Variants in PRKD1 observed in about 807,000 individuals in gnomAD.
The protein encoded by PRKD1 is protein kinase D1.
PRKD1 carries 63 observed loss-of-function variants against 95.9 expected under a neutral mutation model. The ratio of observed to expected loss-of-function variants is 0.66; its 90% confidence interval spans 0.54 to 0.81. PRKD1 has a LOEUF of 0.81. PRKD1 is among the 30% of genes least tolerant of loss of function. The probability of loss-of-function intolerance (pLI) is 0.00; values close to 1 mark genes in which losing one functional copy is unlikely to be tolerated. For synonymous variants in PRKD1, 425 were observed against 423.1 expected, an observed-to-expected ratio of 1.00 and a Z score of -0.05; for missense variants, 1,048 against 1,165.3, an observed-to-expected ratio of 0.90 and a Z score of 1.47.
At chr14:29,869,150 AAAG>A (rs1385589370) in intron 1 of PRKD1, among the ~76,000 whole-genome samples, 3 of 152,328 alleles carry the variant, frequency 2.0e-5, no homozygotes, top group South Asian at 2.1e-4. Context: ...TTACTTTAAA[AAAG>A]AAGAAGAGGC....
chr14:29,659,771 G>C (rs1282888209), intron 4 of PRKD1, among the ~76,000 whole-genome samples: 1 of 152,082 alleles, frequency 6.6e-6, no homozygotes, highest in African/African-American at 2.4e-5. Flanking sequence ...TGCTGGTTAA[G>C]TATATAGCTA....
At chr14:29,827,551 A>G (rs113114765) in intron 1 of PRKD1, among the ~76,000 whole-genome samples, 6 of 152,266 alleles carry the variant, frequency 3.9e-5, no homozygotes, top group South Asian at 2.1e-4. Flanking sequence ...AAGGAATAAC[A>G]AAGTGATATG....
intron 1 of PRKD1, among the ~76,000 whole-genome samples, chr14:29,821,515 C>T (rs1181165069): frequency 6.6e-6 from 1 of 152,150 alleles, no homozygotes; most frequent in East Asian, 1.9e-4. Context: ...TGAATAGAGA[C>T]AGAGTTCAAG....
At chr14:29,801,316 CA>C (rs978790180) in intron 1 of PRKD1, among the ~76,000 whole-genome samples, 15 of 152,162 alleles carry the variant, frequency 9.9e-5, no homozygotes, top group African/African-American at 2.9e-4. Context: ...ACCATACCTA[CA>C]AAAAACCTTC....
At chr14:29,619,086 T>A (rs118161634) in intron 13 of PRKD1, among the ~76,000 whole-genome samples, 2 of 152,160 alleles carry the variant, frequency 1.3e-5, no homozygotes, top group Non-Finnish European at 2.9e-5. Context: ...ATTGCTTTTA[T>A]ATGCAGAGGA....
intron 1 of PRKD1, among the ~76,000 whole-genome samples, chr14:29,897,584 T>G (rs1386743893): frequency 7.2e-5 from 11 of 152,134 alleles, no homozygotes; most frequent in Admixed American, 7.2e-4. Flanking sequence ...TTTCCTAATC[T>G]GTAGAATGAG....
intron 1 of PRKD1, among the ~76,000 whole-genome samples, chr14:29,778,189 T>C (rs1240185100): frequency 6.6e-6 from 1 of 151,942 alleles, no homozygotes; most frequent in African/African-American, 2.4e-5. Context: ...AAGCAGGAAA[T>C]ATCTAAAATT....
chr14:29,822,511 G>A (rs1013553948), intron 1 of PRKD1, among the ~76,000 whole-genome samples: 1 of 152,182 alleles, frequency 6.6e-6, no homozygotes, highest in Non-Finnish European at 1.5e-5. Flanking sequence ...AATCTGGACA[G>A]TCAAAAAGAT....
intron 1 of PRKD1, among the ~76,000 whole-genome samples, chr14:29,729,412 G>A (rs1204210872): frequency 1.3e-5 from 2 of 151,958 alleles, no homozygotes; most frequent in East Asian, 1.9e-4. Context: ...TTTATTTTCA[G>A]AAAGGTATCC....
At chr14:29,801,599 A>T (rs28403921) in intron 1 of PRKD1, among the ~76,000 whole-genome samples, 2,452 of 152,264 alleles carry the variant, frequency 0.016, 66 homozygotes, top group African/African-American at 0.052. Flanking sequence ...ACAAGTGGGG[A>T]GTATTAACAC....
chr14:29,587,696 T>C (rs1303035593), intron 16 of PRKD1, among the ~76,000 whole-genome samples: 2 of 152,222 alleles, frequency 1.3e-5, no homozygotes, highest in African/African-American at 4.8e-5. Flanking sequence ...ACTACCTTAT[T>C]TGGATTTTGA....
Position 29,772,062 on chromosome 14 carries a change from T to C in PRKD1, c.265-46388A>G, listed in dbSNP as rs1317949267. Among the ~76,000 whole-genome samples the C allele has an allele frequency of 3.3e-5, 5 of 152,222 alleles. 1 individual carries two copies. The highest frequency in any genetic ancestry group is 1.2e-4 in the African/African-American group (5 of 41,464). On this transcript the variant is annotated intron_variant, in intron 1 of 17. Transcript: ENST00000331968. ...TCATACAATGACTCTCAGCCATATA[T>C]GATTTCGATATTTGGATGAGACTGG...
In PRKD1 at chr14:29,624,145, G is replaced by A; in HGVS notation, c.1905+7C>T. The A allele has an allele frequency of 6.3e-7, 1 of 1,578,610 alleles. No homozygotes were observed. Among genetic ancestry groups the A allele is most frequent in the African/African-American group, 1.4e-5 (1 of 73,812 alleles). On this transcript the variant is annotated splice_region_variant and intron_variant, in intron 13 of 17. Coordinates refer to ENST00000331968, the MANE Select transcript of PRKD1 (RefSeq NM_002742.3). ...ACCCTTTCCCCAAATGAGAACCAAA[G>A]AAGTACCTGTAGAATTGCAACCTCA...
intron 1 of PRKD1, among the ~76,000 whole-genome samples, chr14:29,802,456 G>A (rs1194940185): frequency 6.6e-6 from 1 of 152,200 alleles, no homozygotes; most frequent in African/African-American, 2.4e-5. Context: ...TTGCACCACA[G>A]TAGATGGATT....
chr14:29,648,356 A>G (rs943409103), intron 4 of PRKD1, among the ~76,000 whole-genome samples: 1 of 149,352 alleles, frequency 6.7e-6, no homozygotes, highest in African/African-American at 2.5e-5. Context: ...GTACTTGGTT[A>G]AGGCCATGAT....
chr14:29,644,927 G>T (rs111801323), intron 4 of PRKD1, among the ~76,000 whole-genome samples: 3,376 of 151,428 alleles, frequency 0.022, 113 homozygotes, highest in African/African-American at 0.072. Context: ...TATTTTCATA[G>T]CACTTTACAT....
Position 29,624,182 on chromosome 14 carries a change from G to C in PRKD1, c.1875C>G (p.Ser625Arg). 21 of 1,604,540 alleles carry C rather than the reference G, an allele frequency of 1.3e-5. No individual in the cohort carries two copies. Among genetic ancestry groups the C allele is most frequent in the Non-Finnish European group, 1.7e-5 (20 of 1,174,966 alleles). ...DKLRFPTKQE[S>R]QLRNEVAILQ... The stretch of plus-strand genomic sequence containing the variant: ...GAATTGCAACCTCATTACGAAGCTG[G>C]CTTTCTTGTTTTGTTGGAAATCGTA... Residue 625 changes from serine to arginine, a missense_variant, in exon 13 of 18, where the codon AGC (serine) becomes AGG (arginine). Ser to Arg is a moderately radical substitution (Grantham distance 110). Transcript: ENST00000331968.
At chr14:29,664,768 A>G (rs1052752282) in intron 3 of PRKD1, among the ~76,000 whole-genome samples, 2 of 152,232 alleles carry the variant, frequency 1.3e-5, no homozygotes, top group African/African-American at 4.8e-5. Context: ...ATGGTGTCCT[A>G]GCACCTTGAA....
intron 13 of PRKD1, among the ~76,000 whole-genome samples, chr14:29,603,237 A>T (rs975012908): frequency 6.6e-6 from 1 of 152,202 alleles, no homozygotes; most frequent in African/African-American, 2.4e-5. Context: ...TCAGTAGCGA[A>T]GTGATTTTGC....
Sources: allele counts gnomAD v4.1 joint callset (sites outside exome capture counted in the v4.1 genomes callset), GRCh38; gene constraint gnomAD v4.1.1; transcripts MANE v1.5; gene names NCBI Gene and HGNC (gene_info 2026-07-23, HGNC 2026-07-21).